ZFPM2: variants seen among roughly 807,000 people sequenced by gnomAD.
ZFPM2 encodes the protein zinc finger protein ZFPM2.
In ZFPM2, 20 loss-of-function variants were observed where a neutral mutation model predicts 98.6. The ratio of observed to expected loss-of-function variants is 0.20; its 90% CI spans 0.14 to 0.29. The LOEUF is 0.29. Ranked by LOEUF, ZFPM2 falls within the 10% of genes least tolerant of loss-of-function variation. The probability of loss-of-function intolerance (pLI) is 1.00; values close to 1 mark genes in which losing one functional copy is unlikely to be tolerated. For synonymous variants in ZFPM2, 518 were observed against 502.7 expected (o/e 1.03, Z -0.41); for missense variants, 1,310 against 1,388.6 (o/e 0.94, Z 0.90).
At chr8:105,621,067 A>G (rs1158224141) in intron 4 of ZFPM2, among the ~76,000 whole-genome samples, 1 of 152,182 alleles carries the variant, frequency 6.6e-6, no homozygotes, top group Non-Finnish European at 1.5e-5. Flanking sequence ...TTCTGTGAAG[A>G]CAGTCATTGG....
chr8:105,568,101 C>T (rs1815277679), intron 4 of ZFPM2, among the ~76,000 whole-genome samples: 1 of 152,082 alleles, frequency 6.6e-6, no homozygotes, highest in South Asian at 2.1e-4. Flanking sequence ...CCCAGTGCCT[C>T]AGGGAGCTTA....
intron 5 of ZFPM2, among the ~76,000 whole-genome samples, chr8:105,767,137 TA>T (rs1812871785): frequency 6.6e-6 from 1 of 151,828 alleles, no homozygotes; most frequent in Non-Finnish European, 1.5e-5. Context: ...ATGGAGGGGT[TA>T]GGGGTGCAGT....
At chr8:105,453,780 C>T (rs1812532234) in intron 3 of ZFPM2, among the ~76,000 whole-genome samples, 1 of 151,884 alleles carries the variant, frequency 6.6e-6, no homozygotes, top group South Asian at 2.1e-4. Flanking sequence ...TGCGCCACCA[C>T]ACCCAGGTAA....
At chr8:105,551,198 G>T (rs1229416740) in intron 3 of ZFPM2, among the ~76,000 whole-genome samples, 2 of 152,164 alleles carry the variant, frequency 1.3e-5, no homozygotes, top group Non-Finnish European at 2.9e-5. Flanking sequence ...CACTGTAAGA[G>T]AATTTAGTGC....
At chr8:105,610,480 A>G (rs1196218271) in intron 4 of ZFPM2, among the ~76,000 whole-genome samples, 1 of 152,142 alleles carries the variant, frequency 6.6e-6, no homozygotes, top group Non-Finnish European at 1.5e-5. Context: ...ATGAGTCTGT[A>G]TTTACCATTT....
intron 5 of ZFPM2, among the ~76,000 whole-genome samples, chr8:105,732,851 T>G (rs1280078308): frequency 6.6e-6 from 1 of 151,808 alleles, no homozygotes; most frequent in Non-Finnish European, 1.5e-5. Flanking sequence ...GGAAATTAAC[T>G]TTCAGCTTGC....
At chr8:105,503,999 T>C (rs1563689123) in intron 3 of ZFPM2, among the ~76,000 whole-genome samples, 2 of 152,092 alleles carry the variant, frequency 1.3e-5, no homozygotes, top group Non-Finnish European at 2.9e-5. Flanking sequence ...CCCCTGCAGA[T>C]AGTTGGTTGG....
intron 3 of ZFPM2, among the ~76,000 whole-genome samples, chr8:105,480,049 C>G (rs1375545098): frequency 6.6e-6 from 1 of 152,162 alleles, no homozygotes; most frequent in African/African-American, 2.4e-5. Flanking sequence ...GCTGTAAGCT[C>G]AGTTATTGCT....
chr8:105,642,816 G>A (rs1053816194), intron 5 of ZFPM2, among the ~76,000 whole-genome samples: 1 of 152,148 alleles, frequency 6.6e-6, no homozygotes, highest in Non-Finnish European at 1.5e-5. Context: ...CAAAGATGTG[G>A]AATTTTGGTT....
intron 1 of ZFPM2, among the ~76,000 whole-genome samples, chr8:105,325,355 C>A (rs1792309655): frequency 6.6e-6 from 1 of 151,852 alleles, no homozygotes; most frequent in South Asian, 2.1e-4. Flanking sequence ...AAAGATAGCA[C>A]ATTTGTTTAT....
intron 3 of ZFPM2, among the ~76,000 whole-genome samples, chr8:105,456,369 G>C (rs535860130): frequency 1.3e-4 from 19 of 151,878 alleles, no homozygotes; most frequent in Non-Finnish European, 2.6e-4. Context: ...GGAATCAGCT[G>C]TAGTAAACAA....
At chr8:105,331,938 A>G (rs1812241260) in intron 1 of ZFPM2, among the ~76,000 whole-genome samples, 2 of 151,758 alleles carry the variant, frequency 1.3e-5, no homozygotes. Flanking sequence ...TTTGCAAATT[A>G]ATACCTAAAC....
At chr8:105,690,129 T>A (rs1256899693) in intron 5 of ZFPM2, among the ~76,000 whole-genome samples, 1 of 152,182 alleles carries the variant, frequency 6.6e-6, no homozygotes, top group African/African-American at 2.4e-5. Context: ...TATACCTCAA[T>A]TAGGATGCCA....
rs909619529 is a variant in ZFPM2 at position 105,318,441 on chromosome 8, A to G, written c.-501A>G. Among the ~76,000 whole-genome samples, 41 of 150,878 alleles carry G rather than the reference A, an allele frequency of 2.7e-4. No homozygotes were observed. The highest frequency in any genetic ancestry group is 2.0e-3 in the Admixed American group (31 of 15,188). On this transcript the variant is annotated 5_prime_UTR_variant, in exon 1 of 8. Transcript: ENST00000407775. ...GCGCCTCGCCGCCTCCCGCCGCAGA[A>G]CAGGAGCTGCGCGGCCCGGAGCGGC...
intron 5 of ZFPM2, among the ~76,000 whole-genome samples, chr8:105,777,332 A>G (rs978354737): frequency 6.6e-6 from 1 of 152,350 alleles, no homozygotes; most frequent in African/African-American, 2.4e-5. Flanking sequence ...TTCATTTTCT[A>G]TAATCAAGTT....
chr8:105,526,980 C>T (rs1814186763), intron 3 of ZFPM2, among the ~76,000 whole-genome samples: 1 of 152,122 alleles, frequency 6.6e-6, no homozygotes, highest in Non-Finnish European at 1.5e-5. Context: ...TCAGTTTCTT[C>T]ACCTTCCCAG....
At chr8:105,371,722 AC>A (rs1810625039) in intron 1 of ZFPM2, among the ~76,000 whole-genome samples, 1 of 152,172 alleles carries the variant, frequency 6.6e-6, no homozygotes, top group Non-Finnish European at 1.5e-5. Flanking sequence ...GAAAGGTGAT[AC>A]CACCTTATAT....
At chr8:105,511,715 A>C (rs2130509581) in intron 3 of ZFPM2, among the ~76,000 whole-genome samples, 1 of 152,324 alleles carries the variant, frequency 6.6e-6, no homozygotes, top group South Asian at 2.1e-4. Flanking sequence ...TTAGAGGAAA[A>C]AAGCCTTTCT....
At chr8:105,475,383 T>G (rs1812993007) in intron 3 of ZFPM2, among the ~76,000 whole-genome samples, 1 of 152,192 alleles carries the variant, frequency 6.6e-6, no homozygotes, top group Admixed American at 6.5e-5. Context: ...TGCTCCCTCT[T>G]GGTACCCCGT....
Sources: gnomAD v4.1 joint callset for allele counts (sites outside exome capture counted in the v4.1 genomes callset) on GRCh38, gnomAD v4.1.1 for gene constraint, MANE v1.5 for transcripts, NCBI Gene and HGNC (gene_info 2026-07-23, HGNC 2026-07-21) for gene names.